PTAR1: variants seen among roughly 807,000 people sequenced by gnomAD.
PTAR1 encodes the protein protein prenyltransferase alpha subunit repeat-containing protein 1.
In PTAR1, 17 loss-of-function variants were observed where a neutral mutation model predicts 45.5. The observed-to-expected ratio is 0.37, with a 90% confidence interval of 0.26 to 0.56. The LOEUF is 0.56. Ranked by LOEUF, PTAR1 falls within the 20% of genes least tolerant of loss-of-function variation. The probability of loss-of-function intolerance (pLI) is 0.77; values close to 1 mark genes in which losing one functional copy is unlikely to be tolerated. For synonymous variants in PTAR1, 169 were observed against 171.3 expected, an observed-to-expected ratio of 0.99 and a Z score of 0.11; for missense variants, 391 against 476.3, an observed-to-expected ratio of 0.82 and a Z score of 1.67.
At chr9:69,720,883 T>A (rs1250686158) in intron 6 of PTAR1, among the ~76,000 whole-genome samples, 3 of 152,142 alleles carry the variant, frequency 2.0e-5, no homozygotes, top group African/African-American at 7.2e-5. Context: ...AAAAAAGGAT[T>A]CCTTCCAAAA....
At chr9:69,734,104 C>T in intron 4 of PTAR1, 46 bp downstream of exon 4, 1 of 1,051,776 alleles carries the variant, frequency 9.5e-7, no homozygotes, top group Non-Finnish European at 1.5e-6. Flanking sequence ...TTTCTCCAGC[C>T]AGTCTGAATC....
At chr9:69,734,650 T>G (rs539629984) in intron 3 of PTAR1, among the ~76,000 whole-genome samples, 42 of 152,278 alleles carry the variant, frequency 2.8e-4, no homozygotes, top group African/African-American at 9.6e-4. Flanking sequence ...TGGTCTAGTT[T>G]CCTAAATAGG....
chr9:69,724,634 T>C (rs894978751), intron 5 of PTAR1, among the ~76,000 whole-genome samples: 36 of 151,600 alleles, frequency 2.4e-4, no homozygotes, highest in African/African-American at 8.8e-4. Flanking sequence ...TCCGCGGGAA[T>C]CTTTCCTTTT....
At chr9:69,726,923 CTT>C (rs376872614) in intron 5 of PTAR1, among the ~76,000 whole-genome samples, 9 of 127,436 alleles carry the variant, frequency 7.1e-5, no homozygotes, top group African/African-American at 2.9e-5. Context: ...TTTTTAAATT[CTT>C]TTTTTTTTTT....
chr9:69,714,629 T>C lies in PTAR1; in HGVS notation c.*3713A>G, dbSNP rs1824656837. 6.6e-6 allele frequency: 1 copy of C among 152,070 alleles called. No homozygotes were observed. Among genetic ancestry groups the C allele is most frequent in the South Asian group, 2.1e-4 (1 of 4,832 alleles). 9.4% of individuals were successfully genotyped at this position (152,070 alleles called of 1,614,324 possible). On this transcript the variant is annotated 3_prime_UTR_variant, in exon 8 of 8. Transcript: ENST00000340434. ...TTTCCTGCAAACTACTGCATAAAAATCCAAAAACTTTTGTTTCCGTATCTT... is the reference window on the plus strand; with the variant it reads ...TTTCCTGCAAACTACTGCATAAAAACCCAAAAACTTTTGTTTCCGTATCTT...
intron 3 of PTAR1, among the ~76,000 whole-genome samples, chr9:69,741,083 A>G (rs112350916): frequency 0.016 from 2,444 of 152,214 alleles, 67 homozygotes; most frequent in African/African-American, 0.056. Context: ...AGAAAATAGA[A>G]TGTCTCAGGG....
At chr9:69,755,828 T>C (rs1826750472) in intron 1 of PTAR1, among the ~76,000 whole-genome samples, 1 of 152,238 alleles carries the variant, frequency 6.6e-6, no homozygotes, top group South Asian at 2.1e-4. Flanking sequence ...ACTGAAATTA[T>C]ATTACTGACC....
intron 1 of PTAR1, among the ~76,000 whole-genome samples, chr9:69,751,629 A>AT (rs1029625692): frequency 6.6e-6 from 1 of 151,992 alleles, no homozygotes; most frequent in Non-Finnish European, 1.5e-5. Flanking sequence ...ATGTATTTCT[A>AT]TTTTTTTAAT....
Position 69,718,372 on chromosome 9 carries a change from G to A in PTAR1, c.1179C>T (p.Tyr393=). 1 of 1,611,460 alleles carries A rather than the reference G, an allele frequency of 6.2e-7. No individual in the cohort carries two copies. ...GACTCAAAGTAACCAGCCATTTCCT[G>A]TATGCACTGGCAAACCTGGCTTGCT... ...NVEQARFASA[Y]RKWLVTLSQ Residue 393 remains tyrosine, a synonymous_variant, in exon 8 of 8, where the codon TAC becomes TAT. Coordinates refer to ENST00000340434, the MANE Select transcript of PTAR1 (RefSeq NM_001099666.2).
chr9:69,759,549 T>C (rs557576327), intron 1 of PTAR1, among the ~76,000 whole-genome samples: 1 of 152,182 alleles, frequency 6.6e-6, no homozygotes, highest in Non-Finnish European at 1.5e-5. Flanking sequence ...GATGTCGACC[T>C]ACGGGGGACG....
intron 5 of PTAR1, among the ~76,000 whole-genome samples, chr9:69,727,180 A>G (rs922721186): frequency 5.3e-5 from 8 of 152,106 alleles, no homozygotes; most frequent in African/African-American, 1.9e-4. Flanking sequence ...TTTTTGTGGT[A>G]AGAACATTTA....
At chr9:69,742,704 T>C (rs1325758265) in intron 2 of PTAR1, among the ~76,000 whole-genome samples, 1 of 152,096 alleles carries the variant, frequency 6.6e-6, no homozygotes, top group African/African-American at 2.4e-5. Context: ...GGAACATGAG[T>C]GTACTTATGT....
intron 3 of PTAR1, among the ~76,000 whole-genome samples, chr9:69,740,445 T>C (rs1212832887): frequency 3.3e-5 from 5 of 152,060 alleles, no homozygotes; most frequent in Non-Finnish European, 5.9e-5. Context: ...TATCTATGCA[T>C]ATATGCTAGG....
intron 2 of PTAR1, among the ~76,000 whole-genome samples, chr9:69,749,435 G>A (rs1244274782): frequency 1.3e-5 from 2 of 152,044 alleles, no homozygotes; most frequent in Non-Finnish European, 2.9e-5. Flanking sequence ...ACTACAGCAC[G>A]GTGATGGAAT....
intron 5 of PTAR1, among the ~76,000 whole-genome samples, chr9:69,727,124 C>T (rs1204174134): frequency 6.6e-6 from 1 of 151,704 alleles, no homozygotes; most frequent in Non-Finnish European, 1.5e-5. Flanking sequence ...ATGATTACCA[C>T]CATCAAGTGA....
At chr9:69,718,743 T>C (rs1009975880) in intron 6 of PTAR1, 59 bp from the exon 7 acceptor site, 6 of 1,385,408 alleles carry the variant, frequency 4.3e-6, no homozygotes, top group Non-Finnish European at 5.8e-6. Context: ...GTCAAGCTTT[T>C]CCAGAAAAAA....
At position 69,717,574 on chromosome 9, in the gene PTAR1, G is replaced by A. The variant is rs1824779501; in HGVS notation, c.*768C>T. ...CAATACTTCTGACTTTGGTAATTGGGTAGAACATGCTAGAGAAAGAGAACT... is the reference window on the plus strand; with the variant it reads ...CAATACTTCTGACTTTGGTAATTGGATAGAACATGCTAGAGAAAGAGAACT... On this transcript the variant is annotated 3_prime_UTR_variant, in exon 8 of 8. Transcript: ENST00000340434. 6.6e-6 allele frequency: 1 copy of A among 152,104 alleles called. No homozygotes were observed. Among genetic ancestry groups the A allele is most frequent in the South Asian group, 2.1e-4 (1 of 4,828 alleles). The allele number at this position is 152,104 out of a possible 1,614,324, so 9.4% of individuals were successfully genotyped here.
At chr9:69,737,688 G>A (rs766769823) in intron 3 of PTAR1, among the ~76,000 whole-genome samples, 12 of 152,016 alleles carry the variant, frequency 7.9e-5, no homozygotes, top group Non-Finnish European at 1.3e-4. Flanking sequence ...AAACTACCAT[G>A]TATTGAACAC....
intron 6 of PTAR1, among the ~76,000 whole-genome samples, chr9:69,721,891 G>A (rs1020013005): frequency 2.6e-5 from 4 of 151,816 alleles, no homozygotes; most frequent in African/African-American, 9.7e-5. Context: ...TATATGTACT[G>A]GGAAACAAAA....
Sources: gnomAD v4.1 joint callset for allele counts (sites outside exome capture counted in the v4.1 genomes callset) on GRCh38, gnomAD v4.1.1 for gene constraint, MANE v1.5 for transcripts, NCBI Gene and HGNC (gene_info 2026-07-23, HGNC 2026-07-21) for gene names.